The following ILDR1 variants were observed in gnomAD, a reference collection of about 807,000 sequenced individuals.
ILDR1 encodes the protein immunoglobulin-like domain-containing receptor 1.
A neutral mutation model predicts 62.4 loss-of-function variants in ILDR1; 56 were observed. The ratio of observed to expected loss-of-function variants is 0.90; its 90% CI spans 0.72 to 1.12. The LOEUF (loss-of-function observed/expected upper bound fraction) is 1.12, where lower values mean the gene tolerates loss of function less well. Among genes scored for constraint, ILDR1 ranks in the 50% most tolerant of loss-of-function variants. The pLI, the probability that ILDR1 is intolerant of heterozygous loss-of-function variation, is 0.00. For synonymous variants in ILDR1, 284 were observed against 277.8 expected, an observed-to-expected ratio of 1.02 and a Z score of -0.22; for missense variants, 736 against 710.6, an observed-to-expected ratio of 1.04 and a Z score of -0.41.
chr3:122,051,463 T>C, the ILDR1 span, among the ~76,000 whole-genome samples: 1 of 152,060 alleles, frequency 6.6e-6, no homozygotes, highest in African/African-American at 2.4e-5. Flanking sequence ...ATTCTTTGGC[T>C]CCAAAATTTC....
chr3:121,992,696 C>T (rs1027774367), intron 7 of ILDR1, among the ~76,000 whole-genome samples: 1 of 152,176 alleles, frequency 6.6e-6, no homozygotes, highest in Non-Finnish European at 1.5e-5. Context: ...GCTGACTTAA[C>T]AAGTGTCTTC....
At chr3:122,026,040 A>G (rs150215761), upstream of ILDR1, among the ~76,000 whole-genome samples, 134 of 152,274 alleles carry the variant, frequency 8.8e-4, no homozygotes, top group Non-Finnish European at 1.7e-3. Context: ...AAATCACAGC[A>G]CCAATAAACA....
chr3:122,050,249 A>C, the ILDR1 span, among the ~76,000 whole-genome samples: 1 of 152,272 alleles, frequency 6.6e-6, no homozygotes, highest in South Asian at 2.1e-4. Flanking sequence ...AGCTTAGTCC[A>C]TTTATATTTA....
At chr3:122,004,714 T>C (rs147279655) in intron 3 of ILDR1, among the ~76,000 whole-genome samples, 147 of 152,314 alleles carry the variant, frequency 9.7e-4, no homozygotes, top group African/African-American at 3.4e-3. Context: ...AACTGATCAC[T>C]GGTCACTGAG....
chr3:122,031,422 T>C, the ILDR1 span, among the ~76,000 whole-genome samples: 1 of 152,202 alleles, frequency 6.6e-6, no homozygotes, highest in African/African-American at 2.4e-5. Flanking sequence ...GACTGATGCT[T>C]ACCACCAAAG....
At chr3:122,006,860 A>G (rs1336876668) in intron 2 of ILDR1, 131 bp downstream of exon 2, 1 of 935,706 alleles carries the variant, frequency 1.1e-6, no homozygotes, top group Non-Finnish European at 1.6e-6. Context: ...CAGAGGAACT[A>G]CATTAGGTGA....
At chr3:122,052,568 G>T in the ILDR1 span, among the ~76,000 whole-genome samples, 1 of 152,152 alleles carries the variant, frequency 6.6e-6, no homozygotes, top group Non-Finnish European at 1.5e-5. Flanking sequence ...CAGAACTTTG[G>T]TTTTTTGTTG....
At chr3:122,047,575 G>A in the ILDR1 span, among the ~76,000 whole-genome samples, 1 of 152,212 alleles carries the variant, frequency 6.6e-6, no homozygotes. Context: ...GATTCCGTGG[G>A]CGTAGGACCC....
At chr3:121,993,026 G>T in intron 7 of ILDR1, 124 bp downstream of exon 7, 2 of 825,100 alleles carry the variant, frequency 2.4e-6, no homozygotes, top group Non-Finnish European at 4.1e-6. Context: ...TGTAATTTGG[G>T]CAAAACAGGG....
intron 3 of ILDR1, among the ~76,000 whole-genome samples, chr3:122,003,329 T>C (rs2071555982): frequency 6.6e-6 from 1 of 152,260 alleles, no homozygotes; most frequent in African/African-American, 2.4e-5. Context: ...TGTTTCCTTC[T>C]CTTTCTACGT....
rs1355685790 is a variant in ILDR1, at chr3:122,005,329, T to C, written c.294A>G (p.Glu98=). Residue 98 remains glutamate, a synonymous_variant, in exon 3 of 8, where the codon GAA becomes GAG. Coordinates refer to ENST00000344209, the MANE Select transcript of ILDR1 (RefSeq NM_001199799.2). The stretch of plus-strand genomic sequence containing the variant: ...CCCGCCGCTGGGCCACTATGCGAAC[T>C]TCCCGCTGGTTGTCGTTGCAGTCAT... ...PSNDCNDNQR[E]VRIVAQRRGQ... The C allele has an allele frequency of 6.2e-7, 1 of 1,612,550 alleles. No homozygotes were observed. The highest frequency in any genetic ancestry group is 8.5e-7 in the Non-Finnish European group (1 of 1,179,166).
At chr3:122,048,499 G>C in the ILDR1 span, among the ~76,000 whole-genome samples, 1 of 152,198 alleles carries the variant, frequency 6.6e-6, no homozygotes, top group Non-Finnish European at 1.5e-5. Context: ...AGAAGGATTA[G>C]TGTTAATTCT....
chr3:122,015,911 C>T (rs1389610650), intron 1 of ILDR1, among the ~76,000 whole-genome samples: 1 of 152,186 alleles, frequency 6.6e-6, no homozygotes, highest in Non-Finnish European at 1.5e-5. Flanking sequence ...CTCATGCATG[C>T]TCTGGTTCCC....
rs1047095709 is a variant in ILDR1 at position 121,987,837 on chromosome 3, C to G, written c.*530G>C. ...ACAAGTCAGAGATTATATAAATATG[C>G]AAGAGAGCATGAACCAAGGCTAAAA... On this transcript the variant is annotated 3_prime_UTR_variant, in exon 8 of 8. Transcript: ENST00000344209. The G allele has an allele frequency of 8.4e-6, 2 of 238,866 alleles. No homozygotes were observed. The highest frequency in any genetic ancestry group is 4.6e-5 in the African/African-American group (2 of 43,366). The allele number at this position is 238,866 out of a possible 1,614,324, so 14.8% of individuals were successfully genotyped here.
chr3:121,993,234 G>A lies in ILDR1; in HGVS notation c.1515C>T (p.Pro505=), dbSNP rs746959964. ...HRRGSHSPHW[P]EEKPPSYRSL... ...AGCGGTAGCTAGGCGGCTTCTCCTC[G>A]GGCCAGTGTGGGGAGTGCGAGCCGC... The change falls in exon 7 of 8, where the codon CCC becomes CCT. Residue 505 remains proline (P), a synonymous_variant. Coordinates refer to ENST00000344209, the MANE Select transcript of ILDR1 (RefSeq NM_001199799.2). 1.6e-5 allele frequency: 26 copies of A among 1,613,812 alleles called. No homozygotes were observed. Among genetic ancestry groups the A allele is most frequent in the African/African-American group, 1.5e-4 (11 of 74,934 alleles).
At chr3:122,034,484 C>G in the ILDR1 span, among the ~76,000 whole-genome samples, 1 of 152,118 alleles carries the variant, frequency 6.6e-6, no homozygotes, top group African/African-American at 2.4e-5. Flanking sequence ...AAAAACAAGA[C>G]CAGAGCATTT....
Position 122,001,975 on chromosome 3 carries a change from A to G in ILDR1, c.380-111T>C, listed in dbSNP as rs1576722953. 8 of 1,250,930 alleles carry G rather than the reference A, an allele frequency of 6.4e-6. No homozygotes were observed. In the East Asian group the frequency reaches 1.8e-4, roughly 28 times the overall value. 77.5% of individuals were successfully genotyped at this position (1,250,930 alleles called of 1,614,324 possible). A position where few individuals can be genotyped will look rare whatever the true frequency, so the allele number is the denominator to read the frequency against. On this transcript the variant is annotated intron_variant, in intron 3 of 7. Transcript: ENST00000344209. ...ATGGCAAGACCTTGTATTTACAAAA[A>G]ATAATAAAAAAAAAATTATCCAGCC...
the ILDR1 span, among the ~76,000 whole-genome samples, chr3:122,046,015 G>C: frequency 1.4e-5 from 2 of 147,536 alleles, no homozygotes; most frequent in Admixed American, 6.7e-5. Flanking sequence ...TCCTAGTCTC[G>C]ATGGTCTTTA....
intron 1 of ILDR1, among the ~76,000 whole-genome samples, chr3:122,020,859 T>G (rs762444430): frequency 9.8e-5 from 15 of 152,320 alleles, no homozygotes; most frequent in Non-Finnish European, 1.9e-4. Context: ...GTAGAAAATC[T>G]TGTAAGCCAG....
Sources: allele counts gnomAD v4.1 joint callset (sites outside exome capture counted in the v4.1 genomes callset), GRCh38; gene constraint gnomAD v4.1.1; transcripts MANE v1.5; gene names NCBI Gene and HGNC (gene_info 2026-07-23, HGNC 2026-07-21).